The following CYSTM1 variants were observed in gnomAD, a reference collection of about 807,000 sequenced individuals.
CYSTM1 encodes the protein cysteine-rich transmembrane module-containing protein 1.
A neutral mutation model predicts 13.1 loss-of-function variants in CYSTM1; 4 were observed. The ratio of observed to expected loss-of-function variants is 0.31; its 90% CI spans 0.15 to 0.70. CYSTM1 has a LOEUF of 0.70. Ranked by LOEUF, CYSTM1 falls within the 30% of genes least tolerant of loss-of-function variation. CYSTM1 has a pLI of 0.72. For missense variants in CYSTM1, 96 were observed against 121.6 expected (o/e 0.79, Z 0.99); for synonymous variants, 36 against 42.7 (o/e 0.84, Z 0.62).
chr5:140,228,217 AGTT>A (rs1764582044), intron 2 of CYSTM1, among the ~76,000 whole-genome samples: 1 of 152,202 alleles, frequency 6.6e-6, no homozygotes. Flanking sequence ...TCTGGGTTGC[AGTT>A]GTTGTCTCTC....
chr5:140,198,347 C>T (rs1437847957), intron 2 of CYSTM1, among the ~76,000 whole-genome samples: 5 of 152,216 alleles, frequency 3.3e-5, no homozygotes, highest in South Asian at 2.1e-4. Flanking sequence ...CTTCTTGCTT[C>T]GTGTGATCTT....
chr5:140,198,910 C>T (rs1004819946), intron 2 of CYSTM1, among the ~76,000 whole-genome samples: 2 of 152,138 alleles, frequency 1.3e-5, no homozygotes, highest in Non-Finnish European at 1.5e-5. Context: ...GTTTGCTGCA[C>T]CCGTCATCTA....
chr5:140,184,015 TG>T (rs1763988595), intron 1 of CYSTM1, among the ~76,000 whole-genome samples: 1 of 152,252 alleles, frequency 6.6e-6, no homozygotes, highest in Non-Finnish European at 1.5e-5. Flanking sequence ...AAAAGCCATG[TG>T]GCTACTTTAC....
rs1006649527 is a variant in CYSTM1, at chr5:140,234,467, G to A, written c.188-8838G>A. Among the ~76,000 whole-genome samples, 9 of 152,146 alleles carry A rather than the reference G, an allele frequency of 5.9e-5. No individual in the cohort carries two copies. The East Asian group carries it at 1.5e-3, about 26-fold the overall frequency. On this transcript the variant is annotated intron_variant, in intron 2 of 2. Transcript: ENST00000261811. Reference sequence around the variant, plus strand: ...TCCTGTTGGGATTTTTATTGAAATTGCATTAAATCTATAGATCATCATGGG... The same window carrying A: ...TCCTGTTGGGATTTTTATTGAAATTACATTAAATCTATAGATCATCATGGG...
intron 2 of CYSTM1, among the ~76,000 whole-genome samples, chr5:140,221,936 C>G (rs1189534865): frequency 3.9e-5 from 6 of 152,346 alleles, no homozygotes; most frequent in African/African-American, 1.2e-4. Context: ...TATCCCCTTT[C>G]ATTGACCACA....
At position 140,230,380 on chromosome 5, in the gene CYSTM1, A is replaced by C. The variant is rs1351516313; in HGVS notation, c.188-12925A>C. ...TAAGTTAACAATTAGACAGGATTCC[A>C]GCTCAAATCTGTCTCCCTGTCCTGG... On this transcript the variant is annotated intron_variant, in intron 2 of 2. Transcript: ENST00000261811. This position sits in a 1 kb window ranked among gnomAD's most constrained non-coding sequence, Gnocchi z 4.1. Among the ~76,000 whole-genome samples, 1 of 152,246 alleles carries C rather than the reference A, an allele frequency of 6.6e-6. No individual in the cohort carries two copies. The highest frequency in any genetic ancestry group is 2.4e-5 in the African/African-American group (1 of 41,464).
At chr5:140,197,968 A>C (rs1349786950) in intron 2 of CYSTM1, among the ~76,000 whole-genome samples, 1 of 152,196 alleles carries the variant, frequency 6.6e-6, no homozygotes, top group Non-Finnish European at 1.5e-5. Flanking sequence ...CATGTGTCAG[A>C]GATTGTAGCA....
At chr5:140,216,774 G>T (rs1341250449) in intron 2 of CYSTM1, among the ~76,000 whole-genome samples, 1 of 152,062 alleles carries the variant, frequency 6.6e-6, no homozygotes, top group African/African-American at 2.4e-5. Flanking sequence ...AGGGTGCCTT[G>T]TGTAGCCAGG....
At chr5:140,181,653 T>C (rs976932890) in intron 1 of CYSTM1, among the ~76,000 whole-genome samples, 1 of 152,102 alleles carries the variant, frequency 6.6e-6, no homozygotes, top group Non-Finnish European at 1.5e-5. Flanking sequence ...TGGTTAATTT[T>C]TTATTTATAT....
rs145730934 is a variant in CYSTM1, at chr5:140,188,929, A to G, written c.-20-5517A>G. Among the ~76,000 whole-genome samples, 29 of 152,354 alleles carry G rather than the reference A, an allele frequency of 1.9e-4. No homozygotes were observed. The East Asian group carries it at 5.2e-3, about 27-fold the overall frequency. ...CAATAAAGTTTGAAAATCTTAATGT[A>G]CAACTCAATACATTTATATGTATTC... On this transcript the variant is annotated intron_variant, in intron 1 of 2. Transcript: ENST00000261811.
Position 140,240,203 on chromosome 5 carries a change from T to A in CYSTM1, c.188-3102T>A, listed in dbSNP as rs115893210. Among the ~76,000 whole-genome samples the A allele has an allele frequency of 5.0e-3, 754 of 152,178 alleles. 5 individuals are homozygous for A. Among genetic ancestry groups the A allele is most frequent in the African/African-American group, 0.017 (718 of 41,506 alleles). ...CCACTGCTCTTTTAACCCCTCTCCC[T>A]TTTTTCCGTCTTTTTAAAAAGGTTT... is the stretch of plus-strand genomic sequence containing the variant. On this transcript the variant is annotated intron_variant, in intron 2 of 2. Coordinates refer to ENST00000261811, the MANE Select transcript of CYSTM1 (RefSeq NM_032412.4).
At chr5:140,194,405 A>T in intron 1 of CYSTM1, 41 bp from the exon 2 acceptor site, 1 of 1,488,726 alleles carries the variant, frequency 6.7e-7, no homozygotes, top group South Asian at 1.3e-5. Context: ...GATGATTTCC[A>T]CAGTTAAATG....
chr5:140,211,102 A>T (rs1278342218), intron 2 of CYSTM1, among the ~76,000 whole-genome samples: 1 of 152,196 alleles, frequency 6.6e-6, no homozygotes, highest in Non-Finnish European at 1.5e-5. Context: ...TTTAAGTATT[A>T]ATTATTAAAT....
intron 1 of CYSTM1, among the ~76,000 whole-genome samples, chr5:140,191,088 C>T (rs922707058): frequency 2.0e-5 from 3 of 152,244 alleles, no homozygotes; most frequent in South Asian, 2.1e-4. Flanking sequence ...CAATGGATTC[C>T]CACTGGATGA....
chr5:140,232,191 T>C lies in CYSTM1; in HGVS notation c.188-11114T>C, dbSNP rs149921693. Among the ~76,000 whole-genome samples, 339 of 152,178 alleles carry C rather than the reference T, an allele frequency of 2.2e-3. 1 individual carries two copies. Among genetic ancestry groups the C allele is most frequent in the Admixed American group, 3.5e-3 (53 of 15,276 alleles). ...AACAAGAGAAAGGAATCATGATTGGTTGAGAGAGAGAACAAACTGAGTTAG... is the reference window on the plus strand; with the variant it reads ...AACAAGAGAAAGGAATCATGATTGGCTGAGAGAGAGAACAAACTGAGTTAG... On this transcript the variant is annotated intron_variant, in intron 2 of 2. Transcript: ENST00000261811.
At chr5:140,193,261 C>T (rs1290106552) in intron 1 of CYSTM1, among the ~76,000 whole-genome samples, 1 of 139,198 alleles carries the variant, frequency 7.2e-6, no homozygotes, top group Non-Finnish European at 1.6e-5. Context: ...ACTTTGCATT[C>T]CCCAGTAATT....
intron 1 of CYSTM1, among the ~76,000 whole-genome samples, chr5:140,187,879 A>T (rs79593548): frequency 0.039 from 5,911 of 151,904 alleles, 127 homozygotes; most frequent in Middle Eastern, 0.11. Flanking sequence ...ACATTTGAAG[A>T]CCTTAGAGAA....
intron 2 of CYSTM1, among the ~76,000 whole-genome samples, chr5:140,211,069 G>T (rs1764361245): frequency 6.6e-6 from 1 of 152,228 alleles, no homozygotes; most frequent in South Asian, 2.1e-4. Context: ...AACCAGAAGA[G>T]TTTGGGGCCA....
At chr5:140,202,698 C>G (rs1764247535) in intron 2 of CYSTM1, 2 of 152,154 alleles carry the variant, frequency 1.3e-5, no homozygotes, top group Non-Finnish European at 2.9e-5. Context: ...CTTACACTTG[C>G]AATACAGAGA....
Sources: gnomAD v4.1 joint callset for allele counts (sites outside exome capture counted in the v4.1 genomes callset) on GRCh38, gnomAD v4.1.1 for gene constraint, Gnocchi (gnomAD v3.1) non-coding constraint, MANE v1.5 for transcripts, NCBI Gene and HGNC (gene_info 2026-07-23, HGNC 2026-07-21) for gene names.